Variants in ATP2C1 observed in about 807,000 individuals in gnomAD.
ATP2C1 encodes the protein ATPase secretory pathway Ca2+ transporting 1.
A neutral mutation model predicts 120.5 loss-of-function variants in ATP2C1; 31 were observed. The observed-to-expected ratio is 0.26, with a 90% CI of 0.19 to 0.35. The LOEUF is 0.35. Among genes scored for constraint, ATP2C1 ranks in the 10% least tolerant of loss-of-function variants. The pLI is 1.00. For missense variants in ATP2C1, 731 were observed against 1,107.5 expected (o/e 0.66, Z 4.83); for synonymous variants, 351 against 358.7 (o/e 0.98, Z 0.24).
intron 1 of ATP2C1, among the ~76,000 whole-genome samples, chr3:130,885,803 C>A (rs559987220): frequency 6.6e-5 from 10 of 152,164 alleles, no homozygotes; most frequent in Non-Finnish European, 1.3e-4. Flanking sequence ...TTATAATATT[C>A]TCTGATTTTC....
intron 1 of ATP2C1, among the ~76,000 whole-genome samples, chr3:130,861,699 C>T (rs1209201650): frequency 2.6e-5 from 4 of 151,774 alleles, no homozygotes; most frequent in Non-Finnish European, 5.9e-5. Flanking sequence ...ATCCCTTAGC[C>T]CAGTAAAATT....
At chr3:130,858,666 A>T (rs1027954765) in intron 1 of ATP2C1, among the ~76,000 whole-genome samples, 1 of 152,180 alleles carries the variant, frequency 6.6e-6, no homozygotes, top group African/African-American at 2.4e-5. Flanking sequence ...GAATGTGGGG[A>T]GTAGGGGTGC....
chr3:130,975,318 C>T lies in ATP2C1; in HGVS notation c.1414-14C>T. On this transcript the variant is annotated splice_polypyrimidine_tract_variant and intron_variant, in intron 17 of 27. Transcript: ENST00000510168. Reference sequence around the variant, plus strand: ...GTTGAAATTAAACTTGTGTTTGGTACATTTTCTTCTTAGGACAGACCAGAG... The same window carrying T: ...GTTGAAATTAAACTTGTGTTTGGTATATTTTCTTCTTAGGACAGACCAGAG... 6.2e-7 allele frequency: 1 copy of T among 1,613,300 alleles called. No individual in the cohort carries two copies. The highest frequency in any genetic ancestry group is 8.5e-7 in the Non-Finnish European group (1 of 1,179,478).
chr3:130,967,138 T>C lies in ATP2C1; in HGVS notation c.1123-7T>C. ...TTGTATTATTGATCCCACTTTGTGA[T>C]CTTTAGGTTACTGGAGTTGGCTATA... On this transcript the variant is annotated splice_polypyrimidine_tract_variant and splice_region_variant and intron_variant, in intron 14 of 27. Coordinates refer to ENST00000510168, the MANE Select transcript of ATP2C1 (RefSeq NM_001378687.1). 6.2e-7 allele frequency: 1 copy of C among 1,609,312 alleles called. No homozygotes were observed. The highest frequency in any genetic ancestry group is 1.1e-5 in the South Asian group (1 of 90,986).
intron 1 of ATP2C1, among the ~76,000 whole-genome samples, chr3:130,870,695 T>A (rs1395119415): frequency 2.0e-5 from 3 of 152,216 alleles, no homozygotes; most frequent in East Asian, 1.9e-4. Context: ...ACACAGAAAA[T>A]GTTTTCTTAT....
intron 4 of ATP2C1, 92 bp from the exon 5 acceptor site, chr3:130,934,530 C>A: frequency 1.2e-6 from 1 of 820,928 alleles, no homozygotes; most frequent in South Asian, 1.5e-5. Context: ...ATTTTCCAGT[C>A]ATGCTCTTAT....
chr3:130,936,055 C>G (rs2059656559), intron 5 of ATP2C1, among the ~76,000 whole-genome samples: 2 of 152,166 alleles, frequency 1.3e-5, no homozygotes, highest in South Asian at 4.1e-4. Context: ...GGAAAGGCAA[C>G]TGGCAGAATT....
chr3:130,922,783 G>T (rs1440666923), intron 2 of ATP2C1, among the ~76,000 whole-genome samples: 1 of 152,200 alleles, frequency 6.6e-6, no homozygotes, highest in Non-Finnish European at 1.5e-5. Flanking sequence ...TCCTCTTGGA[G>T]TTAATCTCCA....
intron 19 of ATP2C1, among the ~76,000 whole-genome samples, chr3:130,979,921 C>T (rs1054943856): frequency 6.6e-6 from 1 of 152,124 alleles, no homozygotes; most frequent in Admixed American, 6.6e-5. Flanking sequence ...TTCCCAGAGC[C>T]TCTAAACTGT....
Position 130,894,506 on chromosome 3 carries a change from A to AG in ATP2C1, c.-180-78dup, listed in dbSNP as rs548595716. Reference sequence around the variant, plus strand: ...ACGGGGCGGGTGCGGGATCTTGGGGAGGGGGGCTCCCGAGATAGTGGCTGG... The same window carrying AG: ...ACGGGGCGGGTGCGGGATCTTGGGGAGGGGGGGCTCCCGAGATAGTGGCTGG... On this transcript the variant is annotated intron_variant, in intron 1 of 27. Transcript: ENST00000510168. The surrounding 1 kb of genome is among the most constrained non-coding windows in gnomAD (Gnocchi z 4.5). 5.1e-6 allele frequency: 7 copies of AG among 1,365,338 alleles called. No homozygotes were observed. The highest frequency in any genetic ancestry group is 5.7e-6 in the Non-Finnish European group (6 of 1,058,228). 84.6% of individuals were successfully genotyped at this position (1,365,338 alleles called of 1,614,324 possible).
chr3:130,902,070 A>G (rs2057858705), intron 2 of ATP2C1, among the ~76,000 whole-genome samples: 1 of 151,944 alleles, frequency 6.6e-6, no homozygotes, highest in African/African-American at 2.4e-5. Context: ...GTTCTAACAA[A>G]CGGCAAGGAA....
At chr3:130,906,867 T>C (rs1471060793) in intron 2 of ATP2C1, among the ~76,000 whole-genome samples, 1 of 152,082 alleles carries the variant, frequency 6.6e-6, no homozygotes, top group African/African-American at 2.4e-5. Flanking sequence ...ACTTCTAATC[T>C]GTTGGTTTAT....
At chr3:130,928,617 A>G (rs576165909) in intron 2 of ATP2C1, among the ~76,000 whole-genome samples, 1 of 152,308 alleles carries the variant, frequency 6.6e-6, no homozygotes, top group East Asian at 1.9e-4. Context: ...GTCTGTATTG[A>G]CCTTGTTGGA....
chr3:130,990,271 A>ACCCCC (rs1292638753), intron 20 of ATP2C1, among the ~76,000 whole-genome samples: 1 of 61,864 alleles, frequency 1.6e-5, no homozygotes. Flanking sequence ...GCTTAAGAGC[A>ACCCCC]ACCCCCCCCC....
chr3:131,003,026 C>A lies in ATP2C1; in HGVS notation c.*1676C>A. ...TTCTCTGTTACAAAGACTTGAAATA[C>A]GTATTAAATGCACGTTAATGTTTTG... On this transcript the variant is annotated 3_prime_UTR_variant, in exon 28 of 28. Coordinates refer to ENST00000510168, the MANE Select transcript of ATP2C1 (RefSeq NM_001378687.1). The A allele has an allele frequency of 3.0e-6, 3 of 985,528 alleles. No homozygotes were observed. Among genetic ancestry groups the A allele is most frequent in the Non-Finnish European group, 3.6e-6 (3 of 829,710 alleles). 61.0% of individuals were successfully genotyped at this position (985,528 alleles called of 1,614,324 possible).
At chr3:130,866,743 C>G (rs569740262) in intron 1 of ATP2C1, among the ~76,000 whole-genome samples, 2 of 152,280 alleles carry the variant, frequency 1.3e-5, no homozygotes, top group South Asian at 4.1e-4. Context: ...AGTGTCTACT[C>G]AAAGAAATTC....
upstream of ATP2C1, among the ~76,000 whole-genome samples, chr3:130,893,410 C>G (rs1313576858): frequency 2.0e-5 from 3 of 152,216 alleles, no homozygotes; most frequent in Non-Finnish European, 4.4e-5. Context: ...CACATGGTAA[C>G]TAAGCACACC....
chr3:130,920,224 T>G (rs1437232384), intron 2 of ATP2C1, among the ~76,000 whole-genome samples: 1 of 152,228 alleles, frequency 6.6e-6, no homozygotes, highest in African/African-American at 2.4e-5. Flanking sequence ...TTTTGGTTGC[T>G]TATGCTTTTG....
chr3:130,976,674 T>C (rs548659727), intron 18 of ATP2C1, among the ~76,000 whole-genome samples: 62 of 152,218 alleles, frequency 4.1e-4, no homozygotes, highest in Non-Finnish European at 8.1e-4. Context: ...AAGGCCTGAA[T>C]CTGGAACATG....
Sources: allele counts gnomAD v4.1 joint callset (sites outside exome capture counted in the v4.1 genomes callset), GRCh38; gene constraint gnomAD v4.1.1; non-coding constraint Gnocchi (gnomAD v3.1); transcripts MANE v1.5; gene names NCBI Gene and HGNC (gene_info 2026-07-23, HGNC 2026-07-21).